Variants in BMP6 observed in about 807,000 individuals in gnomAD.
BMP6 encodes bone morphogenetic protein 6.
BMP6 carries 17 observed loss-of-function variants against 54.1 expected under a neutral mutation model. That is an observed-to-expected ratio of 0.31 (90% confidence interval 0.22 to 0.47). The LOEUF (loss-of-function observed/expected upper bound fraction) is 0.47. Ranked by LOEUF, BMP6 falls within the 20% of genes least tolerant of loss-of-function variation. The pLI is 1.00. For missense variants in BMP6, 720 were observed against 690.4 expected (o/e 1.04, Z -0.48); for synonymous variants, 328 against 291.2 (o/e 1.13, Z -1.28).
At chr6:7,813,108 A>AAAATATATATAT (rs1554122651) in intron 1 of BMP6, among the ~76,000 whole-genome samples, 5 of 21,490 alleles carry the variant, frequency 2.3e-4, no homozygotes, top group Non-Finnish European at 3.0e-4. Flanking sequence ...AAAAAAAAAA[A>AAAATATATATAT]ATATATATAT....
chr6:7,727,489 C>T lies in BMP6; in HGVS notation c.534C>T (p.Ala178=), dbSNP rs746819946. Reference sequence around the variant, plus strand: ...AGCGTCGGCAGCCGCCCCCGGGCGCCGCGCACCCGCTCAACCGCAAGAGCC... The same window carrying T: ...AGCGTCGGCAGCCGCCCCCGGGCGCTGCGCACCCGCTCAACCGCAAGAGCC... ...SSQRRQPPPG[A]AHPLNRKSLL... is the part of the protein sequence containing the mutation. The change falls in exon 1 of 7, where the codon GCC becomes GCT. Residue 178 remains alanine, a synonymous_variant. Transcript: ENST00000283147. 15 of 1,594,330 alleles carry T rather than the reference C, an allele frequency of 9.4e-6. No individual in the cohort carries two copies. The highest frequency in any genetic ancestry group is 1.3e-5 in the African/African-American group (1 of 74,640).
intron 1 of BMP6, among the ~76,000 whole-genome samples, chr6:7,817,932 A>G (rs1758555076): frequency 6.6e-6 from 1 of 152,238 alleles, no homozygotes; most frequent in Non-Finnish European, 1.5e-5. Context: ...ATGGCAAGCC[A>G]TCAGTCAGCT....
chr6:7,845,197 A>C lies in BMP6; in HGVS notation c.722A>C (p.Asn241Thr). The change falls in exon 2 of 7, where the codon AAC becomes ACC. Residue 241 changes from asparagine to threonine, a missense_variant. Asn to Thr is a moderately conservative substitution (Grantham distance 65). This residue lies in a region of BMP6 where 650 missense variants were observed against 556.3 expected (regional missense o/e 1.17). Transcript: ENST00000283147. Reference sequence around the variant, plus strand: ...CGACACCACAAAGAGTTCAAGTTCAACTTATCCCAGATTCCTGAGGGTGAG... The same window carrying C: ...CGACACCACAAAGAGTTCAAGTTCACCTTATCCCAGATTCCTGAGGGTGAG... ...RQRHHKEFKF[N>T]LSQIPEGEVV... The C allele has an allele frequency of 6.2e-7, 1 of 1,614,166 alleles. No individual in the cohort carries two copies. The highest frequency in any genetic ancestry group is 8.5e-7 in the Non-Finnish European group (1 of 1,180,012).
intron 1 of BMP6, among the ~76,000 whole-genome samples, chr6:7,814,451 C>G (rs1432252098): frequency 6.6e-6 from 1 of 152,116 alleles, no homozygotes; most frequent in African/African-American, 2.4e-5. Context: ...TTCTGTCTTC[C>G]TGTTGTTTGC....
intron 1 of BMP6, among the ~76,000 whole-genome samples, chr6:7,804,077 G>A (rs1758311207): frequency 6.6e-6 from 1 of 152,160 alleles, no homozygotes; most frequent in South Asian, 2.1e-4. Flanking sequence ...AAATGTGCAG[G>A]AAACAATAAG....
chr6:7,823,084 AG>A (rs1758640767), intron 1 of BMP6, among the ~76,000 whole-genome samples: 1 of 152,180 alleles, frequency 6.6e-6, no homozygotes, highest in Admixed American at 6.5e-5. Flanking sequence ...ATATTCTCCC[AG>A]ATCCCTCACT....
intron 1 of BMP6, among the ~76,000 whole-genome samples, chr6:7,771,565 G>A (rs764175246): frequency 7.2e-5 from 11 of 152,202 alleles, no homozygotes; most frequent in Non-Finnish European, 1.3e-4. Flanking sequence ...CAGTAAGTGC[G>A]TGGTGGAGCG....
At chr6:7,837,957 G>T (rs890458031) in intron 1 of BMP6, among the ~76,000 whole-genome samples, 2 of 152,088 alleles carry the variant, frequency 1.3e-5, no homozygotes, top group Non-Finnish European at 2.9e-5. Flanking sequence ...AGAATCAAAT[G>T]ACTCTACAGA....
At chr6:7,815,838 C>G (rs1295952147) in intron 1 of BMP6, among the ~76,000 whole-genome samples, 1 of 152,174 alleles carries the variant, frequency 6.6e-6, no homozygotes, top group Non-Finnish European at 1.5e-5. Flanking sequence ...TCCTTTGTCT[C>G]CAGTTGCTGG....
intron 1 of BMP6, among the ~76,000 whole-genome samples, chr6:7,736,842 C>T (rs1472068394): frequency 3.9e-5 from 6 of 152,074 alleles, no homozygotes; most frequent in African/African-American, 9.7e-5. Flanking sequence ...CTAATTTGCC[C>T]GCCCGTTATC....
intron 1 of BMP6, among the ~76,000 whole-genome samples, chr6:7,768,941 C>T (rs1389814992): frequency 1.3e-5 from 2 of 152,170 alleles, no homozygotes; most frequent in East Asian, 3.8e-4. Context: ...AGGCCAGAGA[C>T]TGAACCTTAA....
At chr6:7,767,529 G>A (rs1483959720) in intron 1 of BMP6, among the ~76,000 whole-genome samples, 2 of 152,102 alleles carry the variant, frequency 1.3e-5, no homozygotes, top group Non-Finnish European at 1.5e-5. Context: ...AGGGGGGAGC[G>A]TCGAGCTTCT....
intron 1 of BMP6, among the ~76,000 whole-genome samples, chr6:7,807,469 C>T (rs1225986): frequency 0.86 from 131,142 of 152,148 alleles, 56,706 homozygotes; most frequent in East Asian, 1. Flanking sequence ...TTAGTAGAGA[C>T]GGGGTTTCAC....
Position 7,742,526 on chromosome 6 carries a change from C to A in BMP6, c.664+14907C>A, listed in dbSNP as rs547509503. 4.6e-5 allele frequency among the ~76,000 whole-genome samples: 7 copies of A among 152,340 alleles called. No individual in the cohort carries two copies. The East Asian group carries it at 1.4e-3, about 29-fold the overall frequency. Reference sequence around the variant, plus strand: ...TGTCTATTGAAGCAAAGTCACTTAGCTCCCCGCTAGGCAACAGGGAGCATT... The same window carrying A: ...TGTCTATTGAAGCAAAGTCACTTAGATCCCCGCTAGGCAACAGGGAGCATT... On this transcript the variant is annotated intron_variant, in intron 1 of 6. Transcript: ENST00000283147.
intron 2 of BMP6, among the ~76,000 whole-genome samples, chr6:7,848,466 T>A (rs1759098808): frequency 6.6e-6 from 1 of 152,152 alleles, no homozygotes; most frequent in Non-Finnish European, 1.5e-5. Context: ...GAAGACAGTT[T>A]TAGACACCCC....
intron 1 of BMP6, among the ~76,000 whole-genome samples, chr6:7,807,856 A>G (rs2113206223): frequency 6.6e-6 from 1 of 151,976 alleles, no homozygotes; most frequent in South Asian, 2.1e-4. Flanking sequence ...TGGCCTGCAA[A>G]TGCCTGTGCC....
At chr6:7,867,582 CTG>C (rs765821301) in intron 4 of BMP6, among the ~76,000 whole-genome samples, 1 of 152,192 alleles carries the variant, frequency 6.6e-6, no homozygotes, top group Non-Finnish European at 1.5e-5. Context: ...CAGGTCAAGA[CTG>C]TGAACTAGCA....
At chr6:7,727,672 C>T in intron 1 of BMP6, 53 bp downstream of exon 1, 5 of 1,452,446 alleles carry the variant, frequency 3.4e-6, no homozygotes, top group South Asian at 1.5e-5. Flanking sequence ...TTTCAGTGTC[C>T]CGGGCCCAGG....
At chr6:7,866,303 A>G (rs781096935) in intron 4 of BMP6, among the ~76,000 whole-genome samples, 1 of 152,164 alleles carries the variant, frequency 6.6e-6, no homozygotes, top group African/African-American at 2.4e-5. Flanking sequence ...ATTTTAACCA[A>G]TCTACCAATT....
Sources: allele counts gnomAD v4.1 joint callset (sites outside exome capture counted in the v4.1 genomes callset), GRCh38; gene constraint gnomAD v4.1.1; regional missense constraint gnomAD v4.1.1; transcripts MANE v1.5; gene names NCBI Gene and HGNC (gene_info 2026-07-23, HGNC 2026-07-21).